The following MBNL2 variants were observed in gnomAD, a reference collection of about 807,000 sequenced individuals.
MBNL2 encodes muscleblind like splicing regulator 2.
A neutral mutation model predicts 41.9 loss-of-function variants in MBNL2; 17 were observed. That is an observed-to-expected ratio of 0.41 (90% CI 0.28 to 0.61). MBNL2 has a LOEUF of 0.61. Ranked by LOEUF, MBNL2 falls within the 20% of genes least tolerant of loss-of-function variation. MBNL2 has a pLI of 0.35. For missense variants in MBNL2, 336 were observed against 505.6 expected (o/e 0.66, Z 3.22); for synonymous variants, 195 against 182.9 (o/e 1.07, Z -0.53).
chr13:97,279,102 A>C (rs1354098921), intron 2 of MBNL2, among the ~76,000 whole-genome samples: 3 of 152,270 alleles, frequency 2.0e-5, no homozygotes, highest in Non-Finnish European at 4.4e-5. Flanking sequence ...AGCTAAAAAG[A>C]AAAATAATGA....
intron 1 of MBNL2, among the ~76,000 whole-genome samples, chr13:97,232,866 TGTGTGTGTG>T (rs2042579923): frequency 6.8e-6 from 1 of 147,960 alleles, no homozygotes; most frequent in South Asian, 2.2e-4. Context: ...TGTGTGTGTG[TGTGTGTGTG>T]TGTGTGTGTG....
intron 8 of MBNL2, among the ~76,000 whole-genome samples, chr13:97,373,997 T>G: frequency 6.6e-6 from 1 of 150,650 alleles, no homozygotes. Context: ...TCAAGAGTCC[T>G]TATGCGGCAC....
At chr13:97,246,306 CA>C (rs1566364163) in intron 1 of MBNL2, among the ~76,000 whole-genome samples, 19 of 150,638 alleles carry the variant, frequency 1.3e-4, no homozygotes, top group African/African-American at 4.7e-4. Context: ...CACACACACA[CA>C]CACCTATTTA....
intron 8 of MBNL2, among the ~76,000 whole-genome samples, chr13:97,370,992 T>C (rs1005065643): frequency 2.0e-5 from 3 of 152,196 alleles, no homozygotes; most frequent in Admixed American, 6.5e-5. Flanking sequence ...ATGCCTATAT[T>C]GAAACAAATT....
intron 1 of MBNL2, among the ~76,000 whole-genome samples, chr13:97,238,997 G>A (rs2043793773): frequency 6.6e-6 from 1 of 152,206 alleles, no homozygotes; most frequent in African/African-American, 2.4e-5. Flanking sequence ...GCTTCCAGAG[G>A]CCTTTGCCTT....
chr13:97,385,829 G>A (rs1014770498), intron 8 of MBNL2, among the ~76,000 whole-genome samples: 3 of 152,164 alleles, frequency 2.0e-5, no homozygotes, highest in Non-Finnish European at 1.5e-5. Context: ...TCTGCATGAG[G>A]ACTGGTTAGT....
Position 97,357,653 on chromosome 13 carries a change from C to T in MBNL2, c.1012+18C>T, listed in dbSNP as rs780294351. On this transcript the variant is annotated intron_variant, in intron 7 of 8. Transcript: ENST00000679496. Reference sequence around the variant, plus strand: ...TCCAACAGGTATGTGCCCTTACTGCCCTACGTCCTGTGCCCTTCTGGTCAT... The same window carrying T: ...TCCAACAGGTATGTGCCCTTACTGCTCTACGTCCTGTGCCCTTCTGGTCAT... 5.6e-6 allele frequency: 9 copies of T among 1,612,088 alleles called. No homozygotes were observed. Among genetic ancestry groups the T allele is most frequent in the Non-Finnish European group, 7.6e-6 (9 of 1,178,890 alleles).
At chr13:97,357,696 C>T in intron 7 of MBNL2, 61 bp downstream of exon 7, 2 of 1,531,558 alleles carry the variant, frequency 1.3e-6, no homozygotes, top group Middle Eastern at 1.7e-4. Context: ...CTTCTCATTT[C>T]TCTAAGCTGT....
intron 1 of MBNL2, among the ~76,000 whole-genome samples, chr13:97,263,365 G>A (rs749001776): frequency 3.3e-5 from 5 of 152,152 alleles, no homozygotes; most frequent in Non-Finnish European, 7.3e-5. Context: ...GTTCCCCACT[G>A]TCTACTATAC....
chr13:97,259,002 C>T (rs1463083002), intron 1 of MBNL2, among the ~76,000 whole-genome samples: 1 of 152,168 alleles, frequency 6.6e-6, no homozygotes, highest in African/African-American at 2.4e-5. Flanking sequence ...GTTCATGTGA[C>T]TCAAAAATGC....
intron 1 of MBNL2, among the ~76,000 whole-genome samples, chr13:97,250,064 T>C (rs1310191785): frequency 6.6e-6 from 1 of 152,230 alleles, no homozygotes; most frequent in African/African-American, 2.4e-5. Flanking sequence ...CTTTCCAAGA[T>C]TCTCTAAGCT....
the MBNL2 span, among the ~76,000 whole-genome samples, chr13:97,150,894 C>G: frequency 6.6e-6 from 1 of 152,170 alleles, no homozygotes; most frequent in Non-Finnish European, 1.5e-5. Context: ...TATTTCTGAA[C>G]TATTCAGGAC....
intron 2 of MBNL2, among the ~76,000 whole-genome samples, chr13:97,280,962 C>T (rs9584537): frequency 0.058 from 8,863 of 152,242 alleles, 702 homozygotes; most frequent in African/African-American, 0.18. Flanking sequence ...CCCCCTAACA[C>T]GAGCATTTGA....
chr13:97,204,001 A>T, the MBNL2 span, among the ~76,000 whole-genome samples: 2 of 152,312 alleles, frequency 1.3e-5, no homozygotes, highest in Admixed American at 6.5e-5. Context: ...GTAAATAAGT[A>T]CTAAAAGAAA....
At chr13:97,161,153 G>C in the MBNL2 span, among the ~76,000 whole-genome samples, 1 of 152,140 alleles carries the variant, frequency 6.6e-6, no homozygotes, top group South Asian at 2.1e-4. Flanking sequence ...AAAAGCACTG[G>C]TTTGGATGTT....
At chr13:97,224,459 G>A (rs915404206) in intron 1 of MBNL2, among the ~76,000 whole-genome samples, 4 of 152,104 alleles carry the variant, frequency 2.6e-5, no homozygotes, top group African/African-American at 9.7e-5. Context: ...TTTGACTGGA[G>A]CACATTGGAG....
chr13:97,147,007 C>T, the MBNL2 span, among the ~76,000 whole-genome samples: 1 of 152,102 alleles, frequency 6.6e-6, no homozygotes, highest in Non-Finnish European at 1.5e-5. Context: ...TGGCAGAGGT[C>T]AACAGTATCT....
chr13:97,373,420 A>T (rs1004241594), intron 8 of MBNL2, among the ~76,000 whole-genome samples: 2 of 151,844 alleles, frequency 1.3e-5, no homozygotes, highest in African/African-American at 4.8e-5. Flanking sequence ...GAGTAGAGAG[A>T]GAGAGTGGAA....
chr13:97,216,384 A>G, the MBNL2 span, among the ~76,000 whole-genome samples: 1 of 152,106 alleles, frequency 6.6e-6, no homozygotes, highest in South Asian at 2.1e-4. Context: ...GATTTGGTTT[A>G]TACATGAAAT....
Sources: allele counts gnomAD v4.1 joint callset (sites outside exome capture counted in the v4.1 genomes callset), GRCh38; gene constraint gnomAD v4.1.1; transcripts MANE v1.5; gene names NCBI Gene and HGNC (gene_info 2026-07-23, HGNC 2026-07-21).